Variants in GREB1L observed in about 807,000 individuals in gnomAD.
GREB1L encodes the protein GREB1 like retinoic acid receptor coactivator.
A neutral mutation model predicts 200.8 loss-of-function variants in GREB1L; 17 were observed. The observed-to-expected ratio is 0.08, with a 90% CI of 0.06 to 0.13. The LOEUF (loss-of-function observed/expected upper bound fraction) is 0.13. Among genes scored for constraint, GREB1L ranks in the 10% least tolerant of loss-of-function variants. GREB1L has a pLI of 1.00. For synonymous variants in GREB1L, 789 were observed against 893.0 expected, an observed-to-expected ratio of 0.88 and a Z score of 2.08; for missense variants, 1,657 against 2,367.7, an observed-to-expected ratio of 0.70 and a Z score of 6.23.
chr18:21,496,064 T>A (rs1279038649), intron 20 of GREB1L, among the ~76,000 whole-genome samples: 1 of 152,046 alleles, frequency 6.6e-6, no homozygotes, highest in East Asian at 1.9e-4. Flanking sequence ...ATAAAGTGCT[T>A]TGTCTTTGTT....
intron 1 of GREB1L, among the ~76,000 whole-genome samples, chr18:21,324,777 TC>T (rs1869807799): frequency 6.6e-6 from 1 of 152,196 alleles, no homozygotes; most frequent in Non-Finnish European, 1.5e-5. Context: ...GCCACTGCAC[TC>T]CAGCCTGGGC....
At chr18:21,399,440 G>A (rs2041217429) in intron 5 of GREB1L, among the ~76,000 whole-genome samples, 1 of 141,284 alleles carries the variant, frequency 7.1e-6, no homozygotes, top group Admixed American at 7.4e-5. Context: ...TGGATGGTTG[G>A]ATGGATGGAT....
At chr18:21,385,792 T>C (rs1418198534) in intron 4 of GREB1L, among the ~76,000 whole-genome samples, 1 of 152,226 alleles carries the variant, frequency 6.6e-6, no homozygotes, top group Admixed American at 6.5e-5. Flanking sequence ...GAGAATCTTG[T>C]TATGTGTGAG....
In GREB1L at chr18:21,505,809, G is replaced by A; in HGVS notation, c.4229-1G>A. On this transcript the variant is annotated splice_acceptor_variant, in intron 24 of 32. Transcript: ENST00000424526. LOFTEE classifies it high-confidence loss of function. ...ATGGCTTTTTGCCCCTTTATACACA[G>A]AAGTGATAAAGGAATCCAAAGTTGA... The A allele has an allele frequency of 6.4e-7, 1 of 1,551,204 alleles. No homozygotes were observed. The highest frequency in any genetic ancestry group is 8.7e-7 in the Non-Finnish European group (1 of 1,146,644).
intron 1 of GREB1L, among the ~76,000 whole-genome samples, chr18:21,273,380 A>G (rs566831954): frequency 5.4e-4 from 83 of 152,308 alleles, no homozygotes; most frequent in Middle Eastern, 6.8e-3. Flanking sequence ...TTTCATAAAT[A>G]TATTAAGTAT....
In GREB1L at chr18:21,395,370, TAAACTGG is replaced by T. The variant is rs1555637314; in HGVS notation, c.356-14_356-8del. 3 of 1,542,342 alleles carry T rather than the reference TAAACTGG, an allele frequency of 1.9e-6. No homozygotes were observed. The highest frequency in any genetic ancestry group is 2.0e-5 in the Admixed American group (1 of 50,550). On this transcript the variant is annotated splice_polypyrimidine_tract_variant and splice_region_variant and intron_variant, in intron 4 of 32. Transcript: ENST00000424526. ...AAACATTTCACTGTGTCCTTTTTTT[TAAACTGG>T]TTTTTAGGTTTTTGTCAAGCAGGAA...
chr18:21,437,072 A>AT (rs1193300568), intron 7 of GREB1L, among the ~76,000 whole-genome samples: 3 of 152,054 alleles, frequency 2.0e-5, no homozygotes, highest in Non-Finnish European at 4.4e-5. Context: ...AGAGCCTGTC[A>AT]TTTTTGGAAA....
At chr18:21,499,000 C>T (rs2036666375) in intron 21 of GREB1L, among the ~76,000 whole-genome samples, 1 of 152,186 alleles carries the variant, frequency 6.6e-6, no homozygotes, top group Non-Finnish European at 1.5e-5. Flanking sequence ...GACAAACACA[C>T]TTGAAAGGAA....
intron 1 of GREB1L, among the ~76,000 whole-genome samples, chr18:21,311,609 G>A (rs1322890140): frequency 1.3e-5 from 2 of 152,116 alleles, no homozygotes; most frequent in Admixed American, 1.3e-4. Flanking sequence ...TGCTCAATAT[G>A]GAAACATTAT....
intron 7 of GREB1L, among the ~76,000 whole-genome samples, chr18:21,433,386 A>G (rs1257638684): frequency 1.3e-5 from 2 of 152,258 alleles, no homozygotes; most frequent in African/African-American, 2.4e-5. Context: ...TGCTAAAATT[A>G]TAGGTATAAA....
At chr18:21,444,103 G>A in intron 10 of GREB1L, 121 bp from the exon 11 acceptor site, 1 of 620,326 alleles carries the variant, frequency 1.6e-6, no homozygotes, top group South Asian at 2.4e-5. Context: ...TGATTTGTTT[G>A]GTAGCTATCT....
chr18:21,406,939 A>G (rs539279917), intron 7 of GREB1L, among the ~76,000 whole-genome samples: 1 of 140,892 alleles, frequency 7.1e-6, no homozygotes, highest in African/African-American at 2.7e-5. Context: ...CAGTGGCACT[A>G]TCTCAGCTCA....
At chr18:21,378,019 G>C (rs560179204) in intron 2 of GREB1L, among the ~76,000 whole-genome samples, 1 of 152,328 alleles carries the variant, frequency 6.6e-6, no homozygotes, top group South Asian at 2.1e-4. Flanking sequence ...AAGCCACCAT[G>C]CCTGTCCAGA....
At chr18:21,506,469 G>A (rs960263967) in intron 25 of GREB1L, among the ~76,000 whole-genome samples, 3 of 152,140 alleles carry the variant, frequency 2.0e-5, no homozygotes, top group Non-Finnish European at 4.4e-5. Flanking sequence ...GGGAGGGAGA[G>A]GAGGCAGCTT....
intron 1 of GREB1L, among the ~76,000 whole-genome samples, chr18:21,321,273 C>T (rs374908719): frequency 9.9e-5 from 15 of 151,540 alleles, no homozygotes; most frequent in African/African-American, 3.6e-4. Context: ...CCAGCCTGGG[C>T]GACAGAAGTC....
At chr18:21,408,324 C>T (rs1418107866) in intron 7 of GREB1L, among the ~76,000 whole-genome samples, 2 of 152,056 alleles carry the variant, frequency 1.3e-5, no homozygotes, top group Non-Finnish European at 2.9e-5. Flanking sequence ...AAACACAAAT[C>T]TAATAAAGTA....
At chr18:21,363,299 C>CCCCCCCCCCCCCA (rs1555631604) in intron 1 of GREB1L, among the ~76,000 whole-genome samples, 8 of 105,528 alleles carry the variant, frequency 7.6e-5, no homozygotes, top group Admixed American at 4.2e-4. Context: ...CCCCCCCCCC[C>CCCCCCCCCCCCCA]CACACACACA....
chr18:21,347,050 C>T (rs1460153777), intron 1 of GREB1L, among the ~76,000 whole-genome samples: 1 of 152,122 alleles, frequency 6.6e-6, no homozygotes, highest in African/African-American at 2.4e-5. Flanking sequence ...TATTTGACTT[C>T]TCCTACCTTT....
chr18:21,477,642 C>T (rs749934625), intron 17 of GREB1L, among the ~76,000 whole-genome samples: 6 of 151,954 alleles, frequency 3.9e-5, no homozygotes, highest in Non-Finnish European at 7.4e-5. Flanking sequence ...AAAAATTAGC[C>T]GGGTGTGCTG....
Sources: gnomAD v4.1 joint callset for allele counts (sites outside exome capture counted in the v4.1 genomes callset) on GRCh38, gnomAD v4.1.1 for gene constraint, MANE v1.5 for transcripts, NCBI Gene and HGNC (gene_info 2026-07-23, HGNC 2026-07-21) for gene names.